Variants in ABL2 observed in about 807,000 individuals in gnomAD.
ABL2 encodes tyrosine-protein kinase ABL2.
In ABL2, 49 loss-of-function variants were observed where a neutral mutation model predicts 107.7. The ratio of observed to expected loss-of-function variants is 0.45; its 90% CI spans 0.36 to 0.58. ABL2 has a LOEUF of 0.58. ABL2 is among the 20% of genes least tolerant of loss of function. The pLI, the probability that ABL2 is intolerant of heterozygous loss-of-function variation, is 0.00. For missense variants in ABL2, 1,245 were observed against 1,457.0 expected, an observed-to-expected ratio of 0.85 and a Z score of 2.37; for synonymous variants, 549 against 548.6, an observed-to-expected ratio of 1.00 and a Z score of -0.01.
chr1:179,204,017 CATTTATTTATTT>C (rs28991601), intron 1 of ABL2, among the ~76,000 whole-genome samples: 1 of 151,830 alleles, frequency 6.6e-6, no homozygotes, highest in Non-Finnish European at 1.5e-5. Context: ...AAAATATTTC[CATTTATTTATTT>C]ATTTATTTAT....
intron 1 of ABL2, among the ~76,000 whole-genome samples, chr1:179,225,273 G>GTT (rs968072685): frequency 1.3e-5 from 2 of 152,120 alleles, no homozygotes; most frequent in African/African-American, 4.8e-5. Context: ...TTTCCATAAT[G>GTT]TATGTACCTT....
chr1:179,201,815 T>C lies in ABL2; in HGVS notation c.157+27426A>G, dbSNP rs1661684875. ...GAGGTGGACAGTTTGGCCATAAAGG[T>C]GTGGCTATTAACATGGTGACAGAAG... On this transcript the variant is annotated intron_variant, in intron 1 of 11. Coordinates refer to ENST00000502732, the MANE Select transcript of ABL2 (RefSeq NM_007314.4). 7.4e-6 allele frequency: 8 copies of C among 1,084,608 alleles called. No individual in the cohort carries two copies. The Admixed American group carries it at 1.7e-4, about 23-fold the overall frequency. The allele number at this position is 1,084,608 out of a possible 1,614,324, so 67.2% of individuals were successfully genotyped here. A position where few individuals can be genotyped will look rare whatever the true frequency, so the allele number is the denominator to read the frequency against.
chr1:179,221,313 A>G (rs1271899975), intron 1 of ABL2, among the ~76,000 whole-genome samples: 1 of 152,226 alleles, frequency 6.6e-6, no homozygotes, highest in East Asian at 1.9e-4. Flanking sequence ...AAAACTGGCC[A>G]GGCACAGTGG....
At chr1:179,198,518 C>T (rs1446404969) in intron 1 of ABL2, among the ~76,000 whole-genome samples, 1 of 151,468 alleles carries the variant, frequency 6.6e-6, no homozygotes, top group Non-Finnish European at 1.5e-5. Flanking sequence ...CATGGTGAAA[C>T]CCCCGTCTCT....
At chr1:179,187,032 C>T (rs970523900) in intron 1 of ABL2, among the ~76,000 whole-genome samples, 7 of 152,122 alleles carry the variant, frequency 4.6e-5, no homozygotes, top group Non-Finnish European at 8.8e-5. Context: ...ACGCCCGGCC[C>T]CATTACCATT....
intron 1 of ABL2, among the ~76,000 whole-genome samples, chr1:179,144,033 T>C (rs1657816896): frequency 1.3e-5 from 2 of 152,320 alleles, no homozygotes; most frequent in South Asian, 4.1e-4. Flanking sequence ...AGCCCAATCT[T>C]TGTTAATAAA....
intron 1 of ABL2, among the ~76,000 whole-genome samples, chr1:179,147,530 A>C (rs1658080434): frequency 6.6e-6 from 1 of 152,230 alleles, no homozygotes; most frequent in East Asian, 1.9e-4. Flanking sequence ...AATACTACTT[A>C]GCCATAAAGA....
intron 1 of ABL2, among the ~76,000 whole-genome samples, chr1:179,178,937 C>T (rs1231979036): frequency 1.3e-5 from 2 of 151,994 alleles, no homozygotes; most frequent in East Asian, 3.9e-4. Flanking sequence ...ATAAAGCCTT[C>T]TTATAGGAAC....
intron 1 of ABL2, among the ~76,000 whole-genome samples, chr1:179,165,431 T>C (rs1659322571): frequency 6.8e-6 from 1 of 146,878 alleles, no homozygotes; most frequent in East Asian, 2.0e-4. Flanking sequence ...TTTTGGAAAT[T>C]AAAAAAAAAA....
intron 9 of ABL2, among the ~76,000 whole-genome samples, chr1:179,114,364 C>T (rs559510623): frequency 0.088 from 1,997 of 22,768 alleles, 43 homozygotes; most frequent in African/African-American, 0.3. Context: ...GCCGAAATCA[C>T]GTCACTGAGC....
chr1:179,194,514 T>C (rs912904117), intron 1 of ABL2, among the ~76,000 whole-genome samples: 4 of 152,212 alleles, frequency 2.6e-5, no homozygotes, highest in Admixed American at 2.0e-4. Flanking sequence ...TAAGGATTTC[T>C]AAAAAACAAT....
Position 179,099,528 on chromosome 1 carries a change from A to G in ABL2, c.*8190T>C, listed in dbSNP as rs112846260. 2.7e-4 allele frequency: 61 copies of G among 225,804 alleles called. No individual in the cohort carries two copies. Among genetic ancestry groups the G allele is most frequent in the African/African-American group, 1.2e-3 (54 of 45,064 alleles). 14.0% of individuals were successfully genotyped at this position (225,804 alleles called of 1,614,324 possible). ...CTGAAAATATATTACAATAACAATT[A>G]AGAACAAATACCTGACAACACTGGT... On this transcript the variant is annotated 3_prime_UTR_variant, in exon 12 of 12. Coordinates refer to ENST00000502732, the MANE Select transcript of ABL2 (RefSeq NM_007314.4).
chr1:179,169,583 C>A (rs969331055), intron 1 of ABL2, among the ~76,000 whole-genome samples: 1 of 151,282 alleles, frequency 6.6e-6, no homozygotes, highest in African/African-American at 2.4e-5. Flanking sequence ...AGACATTAAA[C>A]AGGTATGAGA....
intron 1 of ABL2, among the ~76,000 whole-genome samples, chr1:179,157,819 G>A (rs376428701): frequency 2.6e-5 from 4 of 151,354 alleles, no homozygotes; most frequent in East Asian, 2.0e-4. Context: ...ATCCTCCTGC[G>A]TCAGCCTCCC....
At chr1:179,116,660 A>G (rs1239017741) in intron 8 of ABL2, among the ~76,000 whole-genome samples, 4 of 151,378 alleles carry the variant, frequency 2.6e-5, no homozygotes, top group African/African-American at 9.7e-5. Context: ...ACAGGCATGC[A>G]TCACCACACC....
chr1:179,224,517 C>T (rs1043010385), intron 1 of ABL2, among the ~76,000 whole-genome samples: 5 of 151,958 alleles, frequency 3.3e-5, no homozygotes, highest in Admixed American at 1.3e-4. Context: ...GATCTGCCCA[C>T]GTCGGCCTCC....
chr1:179,225,604 T>C lies in ABL2; in HGVS notation c.157+3637A>G, dbSNP rs561531986. Among the ~76,000 whole-genome samples, 16 of 152,270 alleles carry C rather than the reference T, an allele frequency of 1.1e-4. 1 individual carries two copies. In the South Asian group the frequency reaches 3.3e-3, roughly 32 times the overall value. On this transcript the variant is annotated intron_variant, in intron 1 of 11. Coordinates refer to ENST00000502732, the MANE Select transcript of ABL2 (RefSeq NM_007314.4). The stretch of plus-strand genomic sequence containing the variant: ...TTAACAATGTCTGGAGGCATTTTTA[T>C]AACAAGTAAGGGGCAAAAAGAAGGT...
intron 1 of ABL2, among the ~76,000 whole-genome samples, chr1:179,165,261 A>G (rs1468510213): frequency 6.6e-6 from 1 of 152,228 alleles, no homozygotes; most frequent in Non-Finnish European, 1.5e-5. Flanking sequence ...GGTATATACC[A>G]ATAAACTGGA....
chr1:179,178,614 G>C (rs1197435713), intron 1 of ABL2, among the ~76,000 whole-genome samples: 1 of 152,088 alleles, frequency 6.6e-6, no homozygotes, highest in Non-Finnish European at 1.5e-5. Context: ...CATCGGGCGG[G>C]CATGGTGGCT....
Sources: allele counts gnomAD v4.1 joint callset (sites outside exome capture counted in the v4.1 genomes callset), GRCh38; gene constraint gnomAD v4.1.1; transcripts MANE v1.5; gene names NCBI Gene and HGNC (gene_info 2026-07-23, HGNC 2026-07-21).